TBX5: variants seen among roughly 807,000 people sequenced by gnomAD.
TBX5 encodes T-box transcription factor 5, also known as T-box transcription factor TBX5.
TBX5 carries 8 observed loss-of-function variants against 51.1 expected under a neutral mutation model. The ratio of observed to expected loss-of-function variants is 0.16; its 90% CI spans 0.09 to 0.28. TBX5 has a LOEUF of 0.28. TBX5 is among the 10% of genes least tolerant of loss of function. The probability of loss-of-function intolerance (pLI) is 1.00; values close to 1 mark genes in which losing one functional copy is unlikely to be tolerated. For missense variants in TBX5, 589 were observed against 671.7 expected (o/e 0.88, Z 1.36); for synonymous variants, 302 against 266.4 (o/e 1.13, Z -1.30).
chr12:114,383,627 G>A (rs188746538), intron 7 of TBX5, among the ~76,000 whole-genome samples: 11 of 152,164 alleles, frequency 7.2e-5, no homozygotes, highest in African/African-American at 2.4e-4. Flanking sequence ...CTGAATTTGG[G>A]TCTCCATTAG....
intron 7 of TBX5, among the ~76,000 whole-genome samples, chr12:114,371,757 G>A (rs949581868): frequency 5.9e-5 from 9 of 151,854 alleles, no homozygotes; most frequent in African/African-American, 2.2e-4. Flanking sequence ...TTAAAAAGGG[G>A]GCCACATCAC....
Position 114,383,947 on chromosome 12 carries a change from C to A in TBX5, c.755+1529G>T, listed in dbSNP as rs560476372. ...TGTGGCAATGACTAAGCCACCTTAACGGCAAATCACCATCAGAATGGGATA... is the reference window on the plus strand; with the variant it reads ...TGTGGCAATGACTAAGCCACCTTAAAGGCAAATCACCATCAGAATGGGATA... On this transcript the variant is annotated intron_variant, in intron 7 of 8. Coordinates refer to ENST00000405440, the MANE Select transcript of TBX5 (RefSeq NM_181486.4). 5.3e-5 allele frequency among the ~76,000 whole-genome samples: 8 copies of A among 152,218 alleles called. No homozygotes were observed. The South Asian group carries it at 1.7e-3, about 32-fold the overall frequency.
At chr12:114,375,340 A>G (rs761995668) in intron 7 of TBX5, among the ~76,000 whole-genome samples, 1 of 152,184 alleles carries the variant, frequency 6.6e-6, no homozygotes, top group Non-Finnish European at 1.5e-5. Context: ...AACCTCTGAG[A>G]GTGAGACCTA....
Position 114,396,907 on chromosome 12 carries a change from C to G in TBX5, c.510+1666G>C, listed in dbSNP as rs939842973. The stretch of plus-strand genomic sequence containing the variant: ...CAAGAAGGACTCGTGGGCAAAACAC[C>G]CGGGTTTAACAGAGTGGCTCTGCAT... On this transcript the variant is annotated intron_variant, in intron 5 of 8. Transcript: ENST00000405440. Among the ~76,000 whole-genome samples the G allele has an allele frequency of 6.6e-5, 10 of 152,278 alleles. 1 individual carries two copies. Among genetic ancestry groups the G allele is most frequent in the African/African-American group, 2.4e-4 (10 of 41,562 alleles).
chr12:114,377,864 C>T (rs935488629), intron 7 of TBX5, among the ~76,000 whole-genome samples: 1 of 152,060 alleles, frequency 6.6e-6, no homozygotes, highest in Non-Finnish European at 1.5e-5. Flanking sequence ...CCCACAGAGG[C>T]GGGTGAGGTT....
upstream of TBX5, chr12:114,407,889 G>C: frequency 1.0e-6 from 1 of 985,436 alleles, no homozygotes; most frequent in Non-Finnish European, 1.2e-6. Flanking sequence ...CTCAGGTGAA[G>C]ACTTTGAAAA....
Position 114,355,404 on chromosome 12 carries a change from G to T in TBX5, c.*128C>A. 1.7e-6 allele frequency: 2 copies of T among 1,204,094 alleles called. No homozygotes were observed. Among genetic ancestry groups the T allele is most frequent in the Non-Finnish European group, 2.4e-6 (2 of 839,138 alleles). 74.6% of individuals were successfully genotyped at this position (1,204,094 alleles called of 1,614,324 possible). ...GCATCCAGCGACCTTGAGTGCAGAT[G>T]TGAACATTGGGTGAAATGAAAAATC... is the stretch of plus-strand genomic sequence containing the variant. On this transcript the variant is annotated 3_prime_UTR_variant, in exon 9 of 9. Transcript: ENST00000405440.
At chr12:114,368,005 C>A (rs1379336772) in intron 7 of TBX5, among the ~76,000 whole-genome samples, 1 of 152,194 alleles carries the variant, frequency 6.6e-6, no homozygotes, top group African/African-American at 2.4e-5. Flanking sequence ...CTAGAAGGAG[C>A]ATGTGTCAGT....
At chr12:114,370,661 C>A (rs79938288) in intron 7 of TBX5, among the ~76,000 whole-genome samples, 95 of 134,086 alleles carry the variant, frequency 7.1e-4, no homozygotes, top group African/African-American at 2.0e-3. Flanking sequence ...CTCTCTCTCT[C>A]TCTATCTATC....
chr12:114,370,283 GA>G (rs1869801903), intron 7 of TBX5, among the ~76,000 whole-genome samples: 1 of 40,548 alleles, frequency 2.5e-5, no homozygotes, highest in Non-Finnish European at 7.9e-5. Flanking sequence ...GAAAAGAAAA[GA>G]AAAGAAAGAA....
At chr12:114,357,186 C>G (rs1868974413) in intron 8 of TBX5, among the ~76,000 whole-genome samples, 1 of 152,168 alleles carries the variant, frequency 6.6e-6, no homozygotes, top group Non-Finnish European at 1.5e-5. Flanking sequence ...CCCTTCCCTT[C>G]CCTGTGTACT....
Position 114,355,931 on chromosome 12 carries a change from G to C in TBX5, c.1158C>G (p.Pro386=). The change falls in exon 9 of 9, where the codon CCC becomes CCG. Residue 386 remains proline, a synonymous_variant. Coordinates refer to ENST00000405440, the MANE Select transcript of TBX5 (RefSeq NM_181486.4). ...QACMYASSAP[P]SEPVPSLEDI... ...CCTCTAGGCTGGGCACAGGCTCGCT[G>C]GGGGGCGCAGAGCTGGCATACATGC... The C allele has an allele frequency of 6.2e-7, 1 of 1,613,680 alleles. No homozygotes were observed. Among genetic ancestry groups the C allele is most frequent in the African/African-American group, 1.3e-5 (1 of 75,052 alleles).
At chr12:114,363,976 G>A (rs946836654) in intron 8 of TBX5, among the ~76,000 whole-genome samples, 9 of 152,210 alleles carry the variant, frequency 5.9e-5, no homozygotes, top group Admixed American at 2.6e-4. Flanking sequence ...CGGGAGTCAC[G>A]CCAGGGGGCC....
chr12:114,403,990 G>A lies in TBX5; in HGVS notation c.-38-54C>T, dbSNP rs1037608425. ...GGTGGGGAGGACAGAGAGAGAACGA[G>A]AGAAAGGTTGGAGAGCACAATTCTA... On this transcript the variant is annotated intron_variant, in intron 1 of 8. Coordinates refer to ENST00000405440, the MANE Select transcript of TBX5 (RefSeq NM_181486.4). 2.6e-6 allele frequency: 4 copies of A among 1,545,228 alleles called. No individual in the cohort carries two copies. The African/African-American group carries it at 5.4e-5, about 21-fold the overall frequency.
intron 7 of TBX5, among the ~76,000 whole-genome samples, chr12:114,383,079 T>C (rs1017390813): frequency 4.6e-5 from 7 of 152,094 alleles, no homozygotes; most frequent in African/African-American, 1.4e-4. Context: ...TGTCTCTACT[T>C]TCATAGCTGG....
At chr12:114,373,854 CA>C (rs1231064766) in intron 7 of TBX5, among the ~76,000 whole-genome samples, 1 of 152,202 alleles carries the variant, frequency 6.6e-6, no homozygotes, top group African/African-American at 2.4e-5. Flanking sequence ...GTAAATTAAC[CA>C]TTTAAACCAG....
chr12:114,407,671 C>T (rs1872312905), upstream of TBX5: 2 of 766,314 alleles, frequency 2.6e-6, no homozygotes, highest in Non-Finnish European at 1.6e-6. Context: ...AGGTGACACA[C>T]GAAGCCATTC....
chr12:114,365,847 A>G (rs1402488637), intron 8 of TBX5, among the ~76,000 whole-genome samples: 23 of 145,820 alleles, frequency 1.6e-4, no homozygotes, highest in Non-Finnish European at 2.3e-4. Context: ...AAAAAAAAAG[A>G]AAAAAAAAAG....
rs748400295 is a variant in TBX5 at position 114,366,147 on chromosome 12, A to G, written c.982+18T>C. On this transcript the variant is annotated intron_variant, in intron 8 of 8. Coordinates refer to ENST00000405440, the MANE Select transcript of TBX5 (RefSeq NM_181486.4). ...AGGTAAGAAAGAAAGCAAATTGACC[A>G]GGGGTGATCACACTCACCTTTCCTC... is the stretch of plus-strand genomic sequence containing the variant. 3 of 1,613,262 alleles carry G rather than the reference A, an allele frequency of 1.9e-6. No individual in the cohort carries two copies. The highest frequency in any genetic ancestry group is 2.5e-6 in the Non-Finnish European group (3 of 1,179,160).
Sources: gnomAD v4.1 joint callset for allele counts (sites outside exome capture counted in the v4.1 genomes callset) on GRCh38, gnomAD v4.1.1 for gene constraint, MANE v1.5 for transcripts, NCBI Gene and HGNC (gene_info 2026-07-23, HGNC 2026-07-21) for gene names.